The following GOLGA4 variants were observed in gnomAD, a reference collection of about 807,000 sequenced individuals.
GOLGA4 encodes the protein golgin subfamily A member 4.
GOLGA4 carries 169 observed loss-of-function variants against 265.9 expected under a neutral mutation model. The observed-to-expected ratio is 0.64, with a 90% CI of 0.56 to 0.72. The LOEUF (loss-of-function observed/expected upper bound fraction) is 0.72. Ranked by LOEUF, GOLGA4 falls within the 30% of genes least tolerant of loss-of-function variation. The pLI is 0.00. For missense variants in GOLGA4, 2,482 were observed against 2,483.4 expected, an observed-to-expected ratio of 1.00 and a Z score of 0.01; for synonymous variants, 923 against 855.8, an observed-to-expected ratio of 1.08 and a Z score of -1.37.
At chr3:37,345,968 G>A (rs1158482685) in intron 20 of GOLGA4, among the ~76,000 whole-genome samples, 1 of 151,706 alleles carries the variant, frequency 6.6e-6, no homozygotes, top group Non-Finnish European at 1.5e-5. Context: ...AAAGTAATCT[G>A]CCTATTTAAT....
Position 37,267,495 on chromosome 3 carries a change from A to G in GOLGA4, c.163-14463A>G, listed in dbSNP as rs536697941. ...CATTTGTTTTTAAGTGACTGGCGTC[A>G]TACGGTTTTGAATCTTGTATGTAAT... On this transcript the variant is annotated intron_variant, in intron 2 of 23. Transcript: ENST00000361924. Among the ~76,000 whole-genome samples, 374 of 152,322 alleles carry G rather than the reference A, an allele frequency of 2.5e-3. 1 individual carries two copies. The highest frequency in any genetic ancestry group is 8.5e-3 in the African/African-American group (352 of 41,580).
intron 2 of GOLGA4, chr3:37,275,903 A>G: frequency 6.2e-7 from 1 of 1,613,804 alleles, no homozygotes; most frequent in Non-Finnish European, 8.5e-7. Flanking sequence ...GTCTCTCATC[A>G]AATCCTGGAA....
chr3:37,249,379 G>T (rs1471675934), intron 1 of GOLGA4, among the ~76,000 whole-genome samples: 1 of 151,902 alleles, frequency 6.6e-6, no homozygotes, highest in Non-Finnish European at 1.5e-5. Flanking sequence ...CATTGCTAAG[G>T]CTTCAACTTT....
At chr3:37,302,523 A>G (rs1035235119) in intron 10 of GOLGA4, among the ~76,000 whole-genome samples, 191 bp downstream of exon 10, 1 of 152,278 alleles carries the variant, frequency 6.6e-6, no homozygotes, top group Non-Finnish European at 1.5e-5. Context: ...GATCCAGCCC[A>G]CAGCCTATTT....
At chr3:37,260,458 C>A (rs979714296) in intron 2 of GOLGA4, among the ~76,000 whole-genome samples, 4 of 151,970 alleles carry the variant, frequency 2.6e-5, no homozygotes, top group African/African-American at 7.3e-5. Context: ...CCACCCCACC[C>A]CCGCTGTCTC....
At chr3:37,266,905 T>C (rs956448250) in intron 2 of GOLGA4, 1 of 1,287,266 alleles carries the variant, frequency 7.8e-7, no homozygotes, top group African/African-American at 1.5e-5. Context: ...TGCTTTGGAT[T>C]CCTCCAAACA....
intron 2 of GOLGA4, among the ~76,000 whole-genome samples, chr3:37,271,016 C>G (rs2096797237): frequency 6.6e-6 from 1 of 151,934 alleles, no homozygotes; most frequent in Non-Finnish European, 1.5e-5. Flanking sequence ...ACCACGCAAC[C>G]TAGATCCTTC....
At chr3:37,355,035 T>G (rs2097086654) in intron 21 of GOLGA4, 66 bp from the exon 22 acceptor site, 1 of 915,018 alleles carries the variant, frequency 1.1e-6, no homozygotes, top group Non-Finnish European at 1.8e-6. Context: ...GCAGAACATG[T>G]CAGAATGGGT....
rs748765526 is a variant in GOLGA4 at position 37,325,714 on chromosome 3, A to G, written c.3828A>G (p.Ala1276=). ...IKTCTVSELE[A]QLRQLTEEQN... ...CTTGCACAGTTTCTGAATTAGAAGCACAACTTAGACAGTTGACAGAGGAGC... is the reference window on the plus strand; with the variant it reads ...CTTGCACAGTTTCTGAATTAGAAGCGCAACTTAGACAGTTGACAGAGGAGC... Residue 1276 remains alanine (A), a synonymous_variant, in exon 14 of 24, where the codon GCA becomes GCG. Transcript: ENST00000361924. 2.0e-5 allele frequency: 32 copies of G among 1,613,316 alleles called. No homozygotes were observed. The South Asian group carries it at 3.2e-4, about 16-fold the overall frequency.
chr3:37,304,863 A>G (rs1195933229), intron 10 of GOLGA4, among the ~76,000 whole-genome samples: 1 of 152,154 alleles, frequency 6.6e-6, no homozygotes, highest in South Asian at 2.1e-4. Flanking sequence ...TTCATAAACC[A>G]TATTTTTTTA....
intron 1 of GOLGA4, 112 bp downstream of exon 1, chr3:37,243,734 C>T: frequency 1.2e-6 from 1 of 840,646 alleles, no homozygotes; most frequent in East Asian, 2.7e-5. Flanking sequence ...AACCCCTAAC[C>T]CGCACTTTTC....
At chr3:37,319,898 A>G (rs1302315402) in intron 12 of GOLGA4, 3 of 152,198 alleles carry the variant, frequency 2.0e-5, no homozygotes, top group Admixed American at 2.0e-4. Context: ...AGATTAATTG[A>G]AGCAGTGACT....
At chr3:37,354,098 T>C (rs2097083350) in intron 21 of GOLGA4, among the ~76,000 whole-genome samples, 1 of 152,132 alleles carries the variant, frequency 6.6e-6, no homozygotes. Context: ...GTTCCTTTCC[T>C]TCCTGGAAAT....
chr3:37,243,635 C>G lies in GOLGA4; in HGVS notation c.72+13C>G, dbSNP rs748910315. ...GGCTCCTGCTCAGGTACGATGGCCG[C>G]CGCTCTCCTCCCCTGGTTCCGAATA... On this transcript the variant is annotated intron_variant, in intron 1 of 23. Transcript: ENST00000361924. The G allele has an allele frequency of 6.2e-7, 1 of 1,605,508 alleles. No homozygotes were observed. Among genetic ancestry groups the G allele is most frequent in the Non-Finnish European group, 8.5e-7 (1 of 1,172,806 alleles).
At position 37,319,073 on chromosome 3, in the gene GOLGA4, A is replaced by G. The variant is rs200955171; in HGVS notation, c.1424A>G (p.Glu475Gly). ...EVVDVMKKSS[E>G]EQIAKLQKLH... Reference sequence around the variant, plus strand: ...TTGGCTCATTTTCAGAAATCCTCAGAAGAACAAATTGCTAAGCTACAGAAG... The same window carrying G: ...TTGGCTCATTTTCAGAAATCCTCAGGAGAACAAATTGCTAAGCTACAGAAG... The change falls in exon 12 of 24, where the codon GAA becomes GGA. Residue 475 changes from glutamate to glycine, a missense_variant. By Grantham distance (98) the Glu-to-Gly change is moderately conservative. This residue lies in a region of GOLGA4 where 1,536 missense variants were observed against 1,483.7 expected (regional missense o/e 1.04). Transcript: ENST00000361924. 17 of 1,591,634 alleles carry G rather than the reference A, an allele frequency of 1.1e-5. No homozygotes were observed. Among genetic ancestry groups the G allele is most frequent in the African/African-American group, 2.7e-5 (2 of 73,814 alleles).
chr3:37,251,621 TG>T, intron 2 of GOLGA4, 137 bp downstream of exon 2: 2 of 572,280 alleles, frequency 3.5e-6, no homozygotes, highest in Non-Finnish European at 6.1e-6. Flanking sequence ...GTAACACAAT[TG>T]GTCTTTTTTT....
chr3:37,299,324 C>T lies in GOLGA4; in HGVS notation c.1039C>T (p.Gln347Ter). ...GGCCGAGAAGACTAAACTTATCACT[C>T]AGTTGCGTGATGCAAAGAACTTAAT... ...HMAEKTKLIT[Q>*]LRDAKNLIEQ... The change falls in exon 9 of 24, where the codon CAG (glutamine) becomes TAG (stop). Residue 347 changes from glutamine to a stop codon, truncating the protein, a stop_gained. Transcript: ENST00000361924. LOFTEE classifies it high-confidence loss of function. The T allele has an allele frequency of 1.2e-6, 2 of 1,613,230 alleles. No homozygotes were observed. Among genetic ancestry groups the T allele is most frequent in the Non-Finnish European group, 1.7e-6 (2 of 1,179,270 alleles).
At chr3:37,313,409 CT>C in intron 10 of GOLGA4, 1 of 152,226 alleles carries the variant, frequency 6.6e-6, no homozygotes, top group Non-Finnish European at 1.5e-5. Context: ...AATGAAAGAC[CT>C]TTTTTTCTGA....
intron 1 of GOLGA4, among the ~76,000 whole-genome samples, chr3:37,246,792 C>A (rs940602109): frequency 6.6e-6 from 1 of 152,126 alleles, no homozygotes. Flanking sequence ...TTTAAAAAAT[C>A]AACATATACG....
Sources: allele counts gnomAD v4.1 joint callset (sites outside exome capture counted in the v4.1 genomes callset), GRCh38; gene constraint gnomAD v4.1.1; regional missense constraint gnomAD v4.1.1; transcripts MANE v1.5; gene names NCBI Gene and HGNC (gene_info 2026-07-23, HGNC 2026-07-21).